DLG2: variants seen among roughly 807,000 people sequenced by gnomAD.
DLG2 encodes the protein discs large MAGUK scaffold protein 2.
A neutral mutation model predicts 132.5 loss-of-function variants in DLG2; 45 were observed. The ratio of observed to expected loss-of-function variants is 0.34; its 90% CI spans 0.27 to 0.44. The LOEUF (loss-of-function observed/expected upper bound fraction) is 0.44, where lower values mean the gene tolerates loss of function less well. Among genes scored for constraint, DLG2 ranks in the 20% least tolerant of loss-of-function variants. DLG2 has a pLI of 1.00. For synonymous variants in DLG2, 424 were observed against 419.6 expected (o/e 1.01, Z -0.13); for missense variants, 1,045 against 1,196.9 (o/e 0.87, Z 1.87).
chr11:83,810,617 A>G (rs1028974375), intron 17 of DLG2, among the ~76,000 whole-genome samples: 63 of 152,216 alleles, frequency 4.1e-4, no homozygotes, highest in Admixed American at 4.1e-3. Context: ...CTGGTATTCC[A>G]TTCGGAGTTA....
rs140164925 is a variant in DLG2 at position 83,731,805 on chromosome 11, T to C, written c.1825+54885A>G. ...CACAGCCTCGCCAGCATCTATTGTT[T>C]CTTGACTTTTTGATAATCTCCATTC... On this transcript the variant is annotated intron_variant, in intron 18 of 27. Coordinates refer to ENST00000376104, the MANE Select transcript of DLG2 (RefSeq NM_001142699.3). Among the ~76,000 whole-genome samples the C allele has an allele frequency of 6.3e-3, 967 of 152,316 alleles. 5 individuals are homozygous for C. Among genetic ancestry groups the C allele is most frequent in the African/African-American group, 0.022 (911 of 41,572 alleles).
chr11:84,973,767 A>T (rs149301542), intron 6 of DLG2, among the ~76,000 whole-genome samples: 136 of 152,296 alleles, frequency 8.9e-4, no homozygotes, highest in African/African-American at 3.2e-3. Flanking sequence ...CAACTCTGCT[A>T]TTGTAGTACA....
intron 15 of DLG2, among the ~76,000 whole-genome samples, chr11:83,875,256 T>C (rs143600961): frequency 8.4e-4 from 128 of 152,280 alleles, no homozygotes; most frequent in African/African-American, 2.7e-3. Flanking sequence ...ACTGATTTTG[T>C]AGATAAGTAA....
intron 3 of DLG2, among the ~76,000 whole-genome samples, chr11:85,493,863 G>GAAAGAAAAAGAA (rs527481913): frequency 1.8e-4 from 28 of 151,906 alleles, no homozygotes; most frequent in Admixed American, 5.9e-4. Flanking sequence ...AGAAAGGAAA[G>GAAAGAAAAAGAA]AAAGAAAAAG....
chr11:84,170,983 C>T (rs1025936683), intron 8 of DLG2, among the ~76,000 whole-genome samples: 2 of 152,090 alleles, frequency 1.3e-5, no homozygotes, highest in African/African-American at 4.8e-5. Flanking sequence ...CTTATCTCTT[C>T]TCTTTAACCT....
intron 18 of DLG2, among the ~76,000 whole-genome samples, chr11:83,720,620 C>T (rs1173430222): frequency 2.0e-5 from 3 of 152,040 alleles, no homozygotes; most frequent in Admixed American, 1.3e-4. Context: ...CTGGTAACCA[C>T]CACACTGTAA....
At chr11:83,866,577 C>G (rs55933535) in intron 16 of DLG2, among the ~76,000 whole-genome samples, 1 of 151,920 alleles carries the variant, frequency 6.6e-6, no homozygotes. Context: ...TTCTGCAGCA[C>G]GCTGTTTTGG....
At chr11:84,923,010 G>A (rs1048843832) in intron 6 of DLG2, 2 of 1,590,168 alleles carry the variant, frequency 1.3e-6, no homozygotes, top group Non-Finnish European at 1.7e-6. Context: ...AGCTACACAA[G>A]GTAGACATTT....
chr11:85,591,715 CTGGGTGACAGAGCTAG>C (rs1161684574), intron 3 of DLG2, among the ~76,000 whole-genome samples: 13 of 152,176 alleles, frequency 8.5e-5, no homozygotes, highest in African/African-American at 3.1e-4. Flanking sequence ...GCACTCCAGC[CTGGGTGACAGAGCTAG>C]ACTTCATCTC....
At chr11:84,853,540 A>T (rs1474599032) in intron 6 of DLG2, among the ~76,000 whole-genome samples, 1 of 152,052 alleles carries the variant, frequency 6.6e-6, no homozygotes, top group Admixed American at 6.6e-5. Flanking sequence ...ATTTCAGTTT[A>T]TCTGTTCTCT....
chr11:83,587,024 T>A (rs751850755), intron 19 of DLG2, among the ~76,000 whole-genome samples: 27 of 152,332 alleles, frequency 1.8e-4, no homozygotes, highest in South Asian at 1.0e-3. Flanking sequence ...TTCTTCTAGT[T>A]ATGTGGCTAT....
chr11:84,068,966 A>G (rs2096717606), intron 10 of DLG2, among the ~76,000 whole-genome samples: 1 of 152,166 alleles, frequency 6.6e-6, no homozygotes. Flanking sequence ...TGATTTTGCG[A>G]CTTACTTAAG....
At chr11:84,650,634 T>C (rs1181078467) in intron 6 of DLG2, among the ~76,000 whole-genome samples, 1 of 152,034 alleles carries the variant, frequency 6.6e-6, no homozygotes, top group Admixed American at 6.6e-5. Flanking sequence ...AGATCTTGAC[T>C]TTGAAGTCAG....
chr11:83,837,723 CAAAAA>C (rs386374350), intron 16 of DLG2, among the ~76,000 whole-genome samples: 7 of 45,948 alleles, frequency 1.5e-4, no homozygotes, highest in African/African-American at 1.9e-4. Flanking sequence ...ACATAGCAAG[CAAAAA>C]AAAAAAAAAA....
chr11:84,510,199 T>A (rs2099253501), intron 7 of DLG2, among the ~76,000 whole-genome samples: 1 of 151,606 alleles, frequency 6.6e-6, no homozygotes, highest in Non-Finnish European at 1.5e-5. Flanking sequence ...AAAAGAAGTA[T>A]TAGTTATTAT....
At chr11:84,960,687 C>T (rs1360531445) in intron 6 of DLG2, among the ~76,000 whole-genome samples, 1 of 152,002 alleles carries the variant, frequency 6.6e-6, no homozygotes, top group East Asian at 1.9e-4. Context: ...AATCCACCCG[C>T]CTTGGCTTCC....
At chr11:84,085,903 C>T (rs900306515) in intron 10 of DLG2, among the ~76,000 whole-genome samples, 2 of 152,162 alleles carry the variant, frequency 1.3e-5, no homozygotes, top group African/African-American at 4.8e-5. Context: ...TTATAAAACA[C>T]AACCTGAATT....
At chr11:83,730,147 T>C (rs73509294) in intron 18 of DLG2, among the ~76,000 whole-genome samples, 36 of 62,900 alleles carry the variant, frequency 5.7e-4, no homozygotes, top group African/African-American at 2.7e-3. Flanking sequence ...TTTTTTATGG[T>C]TTTTTTTTTT....
chr11:83,883,713 G>C (rs1244743084), intron 15 of DLG2, among the ~76,000 whole-genome samples: 1 of 151,696 alleles, frequency 6.6e-6, no homozygotes, highest in Admixed American at 6.6e-5. Flanking sequence ...GTTTTGGGTG[G>C]CTAGCTATAC....
Sources: gnomAD v4.1 joint callset for allele counts (sites outside exome capture counted in the v4.1 genomes callset) on GRCh38, gnomAD v4.1.1 for gene constraint, MANE v1.5 for transcripts, NCBI Gene and HGNC (gene_info 2026-07-23, HGNC 2026-07-21) for gene names.